The following CYSLTR2 variants were observed in gnomAD, a reference collection of about 807,000 sequenced individuals.
The protein encoded by CYSLTR2 is G-protein coupled receptor GPCR21.
For synonymous variants in CYSLTR2, 179 were observed against 160.8 expected (o/e 1.11, Z -0.86); for missense variants, 398 against 411.9 (o/e 0.97, Z 0.29).
At chr13:48,675,410 T>TCC (rs1315006158) in intron 1 of CYSLTR2, among the ~76,000 whole-genome samples, 1 of 152,154 alleles carries the variant, frequency 6.6e-6, no homozygotes. Flanking sequence ...CTCTGCCAGT[T>TCC]CGAACTTCCT....
At chr13:48,704,441 T>C (rs1294632733) in intron 4 of CYSLTR2, among the ~76,000 whole-genome samples, 3 of 152,174 alleles carry the variant, frequency 2.0e-5, no homozygotes, top group Non-Finnish European at 4.4e-5. Flanking sequence ...AGTTTTTCAT[T>C]TCATTTTTTT....
chr13:48,664,837 ACTT>A (rs1386718898), intron 1 of CYSLTR2, among the ~76,000 whole-genome samples: 2 of 149,938 alleles, frequency 1.3e-5, no homozygotes, highest in East Asian at 2.0e-4. Context: ...GCTCTTTATT[ACTT>A]CTTCTACTAA....
At chr13:48,700,703 A>T (rs1954318153) in intron 4 of CYSLTR2, among the ~76,000 whole-genome samples, 1 of 152,200 alleles carries the variant, frequency 6.6e-6, no homozygotes, top group Non-Finnish European at 1.5e-5. Flanking sequence ...AGGGTATTAA[A>T]TTAGGAAAAG....
intron 1 of CYSLTR2, among the ~76,000 whole-genome samples, chr13:48,654,362 C>G (rs912136597): frequency 5.4e-5 from 8 of 149,512 alleles, no homozygotes; most frequent in Admixed American, 6.7e-5. Flanking sequence ...AGTTGCGTCC[C>G]TACACTATGG....
intron 1 of CYSLTR2, among the ~76,000 whole-genome samples, chr13:48,680,136 A>C (rs113575238): frequency 0.019 from 2,956 of 152,260 alleles, 85 homozygotes; most frequent in African/African-American, 0.062. Flanking sequence ...GTCTAATTGC[A>C]CACTGCTTGC....
chr13:48,657,682 C>T (rs1030312062), intron 1 of CYSLTR2, among the ~76,000 whole-genome samples: 90 of 151,598 alleles, frequency 5.9e-4, no homozygotes, highest in African/African-American at 2.1e-3. Flanking sequence ...AAGATAATTT[C>T]CCACGTAAGT....
rs1368019401 is a variant in CYSLTR2, at chr13:48,710,901, C to A, written c.*3043C>A. 2.0e-5 allele frequency: 3 copies of A among 152,082 alleles called. No individual in the cohort carries two copies. Among genetic ancestry groups the A allele is most frequent in the Non-Finnish European group, 2.9e-5 (2 of 68,018 alleles). The allele number at this position is 152,082 out of a possible 1,614,324, so 9.4% of individuals were successfully genotyped here. A position where few individuals can be genotyped will look rare whatever the true frequency, so the allele number is the denominator to read the frequency against. On this transcript the variant is annotated 3_prime_UTR_variant, in exon 5 of 5. Coordinates refer to ENST00000682523, the MANE Select transcript of CYSLTR2 (RefSeq NM_001308476.3). ...GCTGGAGTGAAATACTGTGATATAA[C>A]CTTTTTTTCAGGAAATGAAGGGAGA...
intron 3 of CYSLTR2, among the ~76,000 whole-genome samples, chr13:48,694,503 C>T (rs1015041491): frequency 7.2e-5 from 11 of 152,138 alleles, no homozygotes; most frequent in Admixed American, 5.9e-4. Context: ...GGATCTATTC[C>T]TAGGAAAACA....
chr13:48,675,698 C>G (rs1189602160), intron 1 of CYSLTR2, among the ~76,000 whole-genome samples: 1 of 150,564 alleles, frequency 6.6e-6, no homozygotes, highest in Non-Finnish European at 1.5e-5. Context: ...CGAGGCATAG[C>G]AAAAAACTCC....
At chr13:48,655,766 T>C (rs1391408524) in intron 1 of CYSLTR2, among the ~76,000 whole-genome samples, 3 of 152,210 alleles carry the variant, frequency 2.0e-5, no homozygotes, top group East Asian at 1.9e-4. Flanking sequence ...ATTTTAAAGA[T>C]GGTAAAGATG....
At chr13:48,654,319 G>A (rs1421932497) in intron 1 of CYSLTR2, among the ~76,000 whole-genome samples, 1 of 131,376 alleles carries the variant, frequency 7.6e-6, no homozygotes, top group South Asian at 2.4e-4. Flanking sequence ...GTGTGTGTGT[G>A]TGTGTGTATG....
chr13:48,695,264 T>C (rs1566100915), intron 3 of CYSLTR2, among the ~76,000 whole-genome samples: 3 of 150,460 alleles, frequency 2.0e-5, no homozygotes, highest in African/African-American at 7.3e-5. Context: ...TCTTTTTTTT[T>C]CCTTTTCTTT....
At chr13:48,693,293 G>T (rs1211536308) in intron 2 of CYSLTR2, 145 bp from the exon 3 acceptor site, 1 of 151,944 alleles carries the variant, frequency 6.6e-6, no homozygotes, top group Non-Finnish European at 1.5e-5. Context: ...TGAAGACTCT[G>T]AATCATGCCA....
intron 1 of CYSLTR2, among the ~76,000 whole-genome samples, chr13:48,682,102 T>C (rs1953771642): frequency 6.6e-6 from 1 of 152,142 alleles, no homozygotes; most frequent in African/African-American, 2.4e-5. Flanking sequence ...CTTGTCTCCT[T>C]GTGCCCTAGG....
At chr13:48,705,675 C>T (rs1392286688) in intron 4 of CYSLTR2, among the ~76,000 whole-genome samples, 1 of 149,374 alleles carries the variant, frequency 6.7e-6, no homozygotes, top group East Asian at 1.9e-4. Flanking sequence ...ATCATTCTAC[C>T]AGTTCAAGTG....
chr13:48,688,216 G>C (rs937289727), intron 1 of CYSLTR2, among the ~76,000 whole-genome samples: 2 of 152,122 alleles, frequency 1.3e-5, no homozygotes, highest in Non-Finnish European at 2.9e-5. Flanking sequence ...CCAAGTATCT[G>C]AGATTTCGTC....
At chr13:48,687,827 G>A (rs554008496) in intron 1 of CYSLTR2, among the ~76,000 whole-genome samples, 13 of 152,338 alleles carry the variant, frequency 8.5e-5, no homozygotes, top group South Asian at 2.1e-4. Context: ...GCAGGTGGCC[G>A]TAAGCCTTAT....
At position 48,668,509 on chromosome 13, in the gene CYSLTR2, A is replaced by G. The variant is rs946381892; in HGVS notation, c.-266+14492A>G. ...CAATAATACCAGTTTCATAGTTTCA[A>G]AGTGTCTTTACATGCATTACTATAT... On this transcript the variant is annotated intron_variant, in intron 1 of 4. Coordinates refer to ENST00000682523, the MANE Select transcript of CYSLTR2 (RefSeq NM_001308476.3). Among the ~76,000 whole-genome samples the G allele has an allele frequency of 2.2e-4, 34 of 152,110 alleles. 1 individual carries two copies. Among genetic ancestry groups the G allele is most frequent in the African/African-American group, 8.2e-4 (34 of 41,426 alleles).
At chr13:48,677,237 A>G (rs1006238519) in intron 1 of CYSLTR2, among the ~76,000 whole-genome samples, 2 of 152,168 alleles carry the variant, frequency 1.3e-5, no homozygotes, top group Admixed American at 6.5e-5. Flanking sequence ...GGAATGAATG[A>G]TCTTAATCTT....
Sources: gnomAD v4.1 joint callset for allele counts (sites outside exome capture counted in the v4.1 genomes callset) on GRCh38, gnomAD v4.1.1 for gene constraint, MANE v1.5 for transcripts, NCBI Gene and HGNC (gene_info 2026-07-23, HGNC 2026-07-21) for gene names.